Variants in SMOC2 observed in about 807,000 individuals in gnomAD.
The protein encoded by SMOC2 is SPARC-related modular calcium-binding protein 2.
Under a neutral mutation model 61.4 loss-of-function variants are expected in SMOC2, and 39 were observed. That is an observed-to-expected ratio of 0.64 (90% CI 0.49 to 0.83). The LOEUF (loss-of-function observed/expected upper bound fraction) is 0.83, where lower values mean the gene tolerates loss of function less well. Among genes scored for constraint, SMOC2 ranks in the 40% least tolerant of loss-of-function variants. SMOC2 has a pLI of 0.00. For synonymous variants in SMOC2, 247 were observed against 239.9 expected (o/e 1.03, Z -0.27); for missense variants, 556 against 592.9 (o/e 0.94, Z 0.65).
In SMOC2 at chr6:168,653,034, G is replaced by C. The variant is rs149774145; in HGVS notation, c.1091G>C (p.Ser364Thr). The C allele has an allele frequency of 6.2e-7, 1 of 1,614,178 alleles. No homozygotes were observed. The change falls in exon 11 of 13, where the codon AGT becomes ACT. Residue 364 changes from serine to threonine, a missense_variant. Coordinates refer to ENST00000356284, the MANE Select transcript of SMOC2 (RefSeq NM_001166412.2). ...TTCAAACTACTGGATAAAAACTCCA[G>C]TGGAGACATCGGCAAAAAGGAAATC... ...WYFKLLDKNSSGDIGKKEIKP... is the reference protein window; with the variant it reads ...WYFKLLDKNSTGDIGKKEIKP...
chr6:168,606,212 G>C (rs969267144), intron 8 of SMOC2, among the ~76,000 whole-genome samples: 1 of 152,146 alleles, frequency 6.6e-6, no homozygotes, highest in Non-Finnish European at 1.5e-5. Flanking sequence ...CACCTGGCTG[G>C]GTAACAGGTC....
In SMOC2 at chr6:168,510,011, C is replaced by A; in HGVS notation, c.181C>A (p.Leu61Ile). 1 of 1,614,234 alleles carries A rather than the reference C, an allele frequency of 6.2e-7. No homozygotes were observed. Among genetic ancestry groups the A allele is most frequent in the South Asian group, 1.1e-5 (1 of 91,078 alleles). Residue 61 changes from leucine (L) to isoleucine (I), a missense_variant, in exon 2 of 13, where the codon CTT (leucine) becomes ATT (isoleucine). By Grantham distance (5) the Leu-to-Ile change is conservative. Coordinates refer to ENST00000356284, the MANE Select transcript of SMOC2 (RefSeq NM_001166412.2). ...PLCASDGRTFLSRCEFQRAKC... is the reference protein window; with the variant it reads ...PLCASDGRTFISRCEFQRAKC... ...CTGCGCATCTGACGGAAGGACCTTC[C>A]TTTCCCGTTGTGAATTTCAACGTGC...
chr6:168,509,520 G>A (rs1372306329), intron 1 of SMOC2, among the ~76,000 whole-genome samples: 1 of 152,098 alleles, frequency 6.6e-6, no homozygotes, highest in Non-Finnish European at 1.5e-5. Context: ...CCAAAAGAAT[G>A]GTACAATGTG....
intron 2 of SMOC2, among the ~76,000 whole-genome samples, chr6:168,511,344 A>G (rs1395339347): frequency 1.3e-5 from 2 of 152,130 alleles, no homozygotes; most frequent in Non-Finnish European, 2.9e-5. Flanking sequence ...GCAGAAGGGG[A>G]AGCAAACGCA....
chr6:168,600,439 AAAAAAAC>A (rs2115190080), intron 8 of SMOC2, among the ~76,000 whole-genome samples: 2 of 131,908 alleles, frequency 1.5e-5, no homozygotes, highest in African/African-American at 5.7e-5. Flanking sequence ...AAAAACAAAA[AAAAAAAC>A]AGTAGTTTCA....
At chr6:168,657,285 C>T (rs1332390781) in intron 11 of SMOC2, among the ~76,000 whole-genome samples, 1 of 152,266 alleles carries the variant, frequency 6.6e-6, no homozygotes, top group Non-Finnish European at 1.5e-5. Flanking sequence ...CAAGGACACA[C>T]AGGCACTGCA....
At chr6:168,566,965 T>A (rs1011982604) in intron 7 of SMOC2, among the ~76,000 whole-genome samples, 1 of 152,234 alleles carries the variant, frequency 6.6e-6, no homozygotes, top group Admixed American at 6.5e-5. Context: ...CCGCTATCCT[T>A]ATTTATGATT....
intron 11 of SMOC2, 128 bp downstream of exon 11, chr6:168,653,356 T>C: frequency 9.0e-7 from 1 of 1,110,496 alleles, no homozygotes; most frequent in Non-Finnish European, 1.3e-6. Context: ...ATATGCTGTT[T>C]AATTGTTGGG....
Position 168,554,471 on chromosome 6 carries a change from G to GCTGGGCTC in SMOC2, c.637+5291_637+5298dup, listed in dbSNP as rs371484336. ...ACACTTAGGAAGTTAGAAGCATTCT[G>GCTGGGCTC]CTGGGCTCCTGGGCTCCTGGGCTCC... On this transcript the variant is annotated intron_variant, in intron 7 of 12. Coordinates refer to ENST00000356284, the MANE Select transcript of SMOC2 (RefSeq NM_001166412.2). Among the ~76,000 whole-genome samples, 948 of 152,276 alleles carry GCTGGGCTC rather than the reference G, an allele frequency of 6.2e-3. 11 individuals are homozygous for GCTGGGCTC. The highest frequency in any genetic ancestry group is 0.022 in the African/African-American group (904 of 41,544).
At chr6:168,454,903 G>A (rs776429725) in intron 1 of SMOC2, among the ~76,000 whole-genome samples, 1 of 152,170 alleles carries the variant, frequency 6.6e-6, no homozygotes, top group East Asian at 1.9e-4. Flanking sequence ...GGTCCCTGTG[G>A]CCAGGGTCCC....
At chr6:168,639,936 A>G (rs970203153) in intron 9 of SMOC2, among the ~76,000 whole-genome samples, 4 of 152,240 alleles carry the variant, frequency 2.6e-5, no homozygotes, top group Non-Finnish European at 4.4e-5. Flanking sequence ...GTTCATGTGC[A>G]GATCTCTGAG....
chr6:168,548,784 C>T (rs901651928), intron 6 of SMOC2, among the ~76,000 whole-genome samples: 3 of 152,120 alleles, frequency 2.0e-5, no homozygotes, highest in African/African-American at 4.8e-5. Flanking sequence ...TGAGTGAAAA[C>T]GTTGTATGTT....
chr6:168,468,350 G>C (rs1175470373), intron 1 of SMOC2, among the ~76,000 whole-genome samples: 1 of 152,176 alleles, frequency 6.6e-6, no homozygotes, highest in Admixed American at 6.5e-5. Context: ...AGGACTTTCA[G>C]GTCAGTGATT....
chr6:168,555,472 C>T (rs1257287213), intron 7 of SMOC2, among the ~76,000 whole-genome samples: 3 of 152,152 alleles, frequency 2.0e-5, no homozygotes, highest in African/African-American at 7.2e-5. Context: ...TTCCCGTCGC[C>T]TACACAGAGA....
At chr6:168,507,572 C>T (rs575290847) in intron 1 of SMOC2, among the ~76,000 whole-genome samples, 23 of 152,334 alleles carry the variant, frequency 1.5e-4, no homozygotes, top group Non-Finnish European at 2.4e-4. Context: ...GGTCATGTCT[C>T]CCAGGAGCTG....
At chr6:168,521,895 A>G (rs1338956690) in intron 2 of SMOC2, among the ~76,000 whole-genome samples, 1 of 152,198 alleles carries the variant, frequency 6.6e-6, no homozygotes, top group African/African-American at 2.4e-5. Context: ...ACCTGTTGTT[A>G]GTGATGCCTT....
intron 1 of SMOC2, among the ~76,000 whole-genome samples, chr6:168,458,044 T>C (rs541809749): frequency 6.6e-6 from 1 of 152,270 alleles, no homozygotes; most frequent in Non-Finnish European, 1.5e-5. Context: ...CCTGGGCCTC[T>C]TGCACTTACT....
chr6:168,451,626 T>TCTCTCTCTCC (rs1554280350), intron 1 of SMOC2, among the ~76,000 whole-genome samples: 1 of 150,150 alleles, frequency 6.7e-6, no homozygotes. Context: ...TCTCTCTCTC[T>TCTCTCTCTCC]CTCCCTCCCT....
intron 1 of SMOC2, among the ~76,000 whole-genome samples, chr6:168,472,097 G>A (rs1009484785): frequency 6.6e-6 from 1 of 152,140 alleles, no homozygotes; most frequent in African/African-American, 2.4e-5. Context: ...TGTGCTTTTG[G>A]GGTCATAGCC....
Sources: allele counts gnomAD v4.1 joint callset (sites outside exome capture counted in the v4.1 genomes callset), GRCh38; gene constraint gnomAD v4.1.1; transcripts MANE v1.5; gene names NCBI Gene and HGNC (gene_info 2026-07-23, HGNC 2026-07-21).